The following ZNF544 variants were observed in gnomAD, a reference collection of about 807,000 sequenced individuals.
ZNF544 encodes zinc finger protein 544, also known as zinc finger protein AF020591.
In ZNF544, 10 loss-of-function variants were observed where a neutral mutation model predicts 13.5. The observed-to-expected ratio is 0.74, with a 90% CI of 0.46 to 1.25. The LOEUF is 1.25. ZNF544 is among the 50% of genes most tolerant of loss of function. The pLI is 0.00. For synonymous variants in ZNF544, 323 were observed against 300.5 expected (o/e 1.07, Z -0.77); for missense variants, 896 against 845.6 (o/e 1.06, Z -0.74).
Position 58,262,710 on chromosome 19 carries a change from C to T in ZNF544, c.2104C>T (p.Gln702Ter), listed in dbSNP as rs2049252882. The T allele has an allele frequency of 1.9e-6, 3 of 1,610,406 alleles. No homozygotes were observed. Among genetic ancestry groups the T allele is most frequent in the Non-Finnish European group, 2.5e-6 (3 of 1,177,368 alleles). ...DCGKSFRQQS[Q>*]LVVHRRTHTG... ...TGGGAAATCCTTCCGGCAGCAATCT[C>T]AACTTGTAGTGCATCGGCGGACACA... Residue 702 changes from glutamine (Q) to a stop codon, truncating the protein, a stop_gained, in exon 7 of 7, where the codon CAA (glutamine) becomes TAA (stop). Coordinates refer to ENST00000687789, the MANE Select transcript of ZNF544 (RefSeq NM_014480.4). LOFTEE classifies it low-confidence loss of function (END_TRUNC).
intron 3 of ZNF544, chr19:58,242,070 C>CGTAGGAAAGGAGGCCTCAGGCACCA (rs1258698499): frequency 1.7e-5 from 3 of 179,634 alleles, no homozygotes; most frequent in Non-Finnish European, 3.2e-5. Context: ...CAGAATTCAG[C>CGTAGGAAAGGAGGCCTCAGGCACCA]GTAGGAAAGG....
At chr19:58,245,096 C>T (rs745846025) in intron 4 of ZNF544, among the ~76,000 whole-genome samples, 15 of 151,474 alleles carry the variant, frequency 9.9e-5, no homozygotes, top group South Asian at 6.3e-4. Flanking sequence ...TACAGGTGCC[C>T]GCCACCACAC....
intron 6 of ZNF544, 109 bp downstream of exon 6, chr19:58,246,903 C>A: frequency 1.0e-6 from 1 of 964,808 alleles, no homozygotes; most frequent in Non-Finnish European, 1.6e-6. Context: ...AGGAAGCCTC[C>A]TTGGGTGCTC....
chr19:58,258,400 G>A (rs986324918), intron 6 of ZNF544: 2 of 63,408 alleles, frequency 3.2e-5, no homozygotes, highest in African/African-American at 1.1e-4. Context: ...CTGGGTGTGA[G>A]GGCACCAGGT....
In ZNF544 at chr19:58,262,093, A is replaced by T. The variant is rs149087123; in HGVS notation, c.1487A>T (p.Gln496Leu). The T allele has an allele frequency of 4.3e-6, 7 of 1,611,752 alleles. No individual in the cohort carries two copies. The highest frequency in any genetic ancestry group is 5.9e-6 in the Non-Finnish European group (7 of 1,179,632). ...GGAGAAAAACCCTTCAAATGTACTC[A>T]GTGTGGGAAATCTTTCAGCCAGAAG... ...HTGEKPFKCT[Q>L]CGKSFSQKYD... Residue 496 changes from glutamine (Q) to leucine (L), a missense_variant, in exon 7 of 7, where the codon CAG becomes CTG. Coordinates refer to ENST00000687789, the MANE Select transcript of ZNF544 (RefSeq NM_014480.4).
At chr19:58,269,463 G>A (rs940825180) in intron 5 of ZNF544, among the ~76,000 whole-genome samples, 4 of 148,198 alleles carry the variant, frequency 2.7e-5, no homozygotes, top group African/African-American at 7.5e-5. Context: ...AAAAATGTCA[G>A]GGTCGGGCAT....
chr19:58,229,174 C>G (rs1477041174), intron 1 of ZNF544: 2 of 152,342 alleles, frequency 1.3e-5, no homozygotes, highest in Admixed American at 6.5e-5. Flanking sequence ...CAGGTTTCCC[C>G]TGCAGGAGCG....
intron 6 of ZNF544, among the ~76,000 whole-genome samples, chr19:58,250,747 G>A (rs2046161697): frequency 6.6e-6 from 1 of 152,258 alleles, no homozygotes; most frequent in South Asian, 2.1e-4. Context: ...ACTGGAGAAG[G>A]TTTACTGCTT....
chr19:58,251,232 T>A (rs1254903059), intron 6 of ZNF544: 2 of 499,338 alleles, frequency 4.0e-6, no homozygotes. Context: ...ATTATCCAGT[T>A]TAAAGTAACT....
intron 6 of ZNF544, chr19:58,257,138 G>T (rs1450624305): frequency 1.3e-5 from 2 of 152,038 alleles, no homozygotes; most frequent in Non-Finnish European, 2.9e-5. Context: ...AGCCAGTATG[G>T]TCTCGATCTC....
chr19:58,263,267 C>A lies in ZNF544; in HGVS notation c.*513C>A. ...CTTGAGCCCAGGAGTTTGAAACCAG[C>A]CTGGGTAACATGGCAAAATCCTGTC... On this transcript the variant is annotated 3_prime_UTR_variant, in exon 7 of 7. Transcript: ENST00000687789. The A allele has an allele frequency of 1.1e-6, 1 of 927,868 alleles. No homozygotes were observed. The allele number at this position is 927,868 out of a possible 1,614,324, so 57.5% of individuals were successfully genotyped here.
At chr19:58,274,046 C>T (rs1053815951) in intron 5 of ZNF544, among the ~76,000 whole-genome samples, 11 of 152,194 alleles carry the variant, frequency 7.2e-5, no homozygotes, top group South Asian at 4.1e-4. Flanking sequence ...TGCCCACCTC[C>T]GCCTCCCAAA....
chr19:58,274,413 T>G (rs115241361), intron 5 of ZNF544, among the ~76,000 whole-genome samples: 1,613 of 152,258 alleles, frequency 0.011, 21 homozygotes, highest in African/African-American at 0.036. Flanking sequence ...AAATGACATT[T>G]GAAGACAAAG....
chr19:58,253,157 T>C (rs1451693852), intron 6 of ZNF544, among the ~76,000 whole-genome samples: 3 of 152,228 alleles, frequency 2.0e-5, no homozygotes, highest in Non-Finnish European at 4.4e-5. Flanking sequence ...AGATATCCAA[T>C]GAACATCAAA....
At chr19:58,241,179 A>ATATTTTTTT (rs1181835768) in intron 3 of ZNF544, among the ~76,000 whole-genome samples, 1 of 72,776 alleles carries the variant, frequency 1.4e-5, no homozygotes, top group African/African-American at 5.9e-5. Context: ...ATATATATAT[A>ATATTTTTTT]TTTTTTTTTT....
chr19:58,264,432 C>G (rs1330895020), downstream of ZNF544, among the ~76,000 whole-genome samples: 1 of 150,900 alleles, frequency 6.6e-6, no homozygotes, highest in Non-Finnish European at 1.5e-5. Context: ...TGGCTCATGC[C>G]TGTAATCCCA....
intron 3 of ZNF544, chr19:58,242,388 A>ATTT: frequency 1.1e-5 from 6 of 537,450 alleles, no homozygotes; most frequent in Non-Finnish European, 1.4e-5. Context: ...ATTCCAGGGA[A>ATTT]TTTTTTTTTT....
At chr19:58,229,814 G>A in intron 2 of ZNF544, 1 of 152,558 alleles carries the variant, frequency 6.6e-6, no homozygotes, top group Non-Finnish European at 1.5e-5. Context: ...GTACAAGGCA[G>A]TGCTAATGAG....
At chr19:58,248,160 C>T (rs897843391) in intron 6 of ZNF544, among the ~76,000 whole-genome samples, 1 of 152,160 alleles carries the variant, frequency 6.6e-6, no homozygotes, top group South Asian at 2.1e-4. Flanking sequence ...GATGCGCCCC[C>T]CTCAGCCTCC....
Sources: gnomAD v4.1 joint callset for allele counts (sites outside exome capture counted in the v4.1 genomes callset) on GRCh38, gnomAD v4.1.1 for gene constraint, MANE v1.5 for transcripts, NCBI Gene and HGNC (gene_info 2026-07-23, HGNC 2026-07-21) for gene names.